KCNK13: variants seen among roughly 807,000 people sequenced by gnomAD.
The protein encoded by KCNK13 is potassium two pore domain channel subfamily K member 13.
Under a neutral mutation model 23.4 loss-of-function variants are expected in KCNK13, and 12 were observed. That is an observed-to-expected ratio of 0.51 (90% CI 0.33 to 0.83). The LOEUF (loss-of-function observed/expected upper bound fraction) is 0.83. KCNK13 is among the 40% of genes least tolerant of loss of function. The pLI, the probability that KCNK13 is intolerant of heterozygous loss-of-function variation, is 0.02. For synonymous variants in KCNK13, 231 were observed against 229.5 expected (o/e 1.01, Z -0.06); for missense variants, 463 against 556.3 (o/e 0.83, Z 1.69).
intron 1 of KCNK13, among the ~76,000 whole-genome samples, chr14:90,088,034 G>T (rs567585178): frequency 1.3e-5 from 2 of 151,828 alleles, no homozygotes; most frequent in Non-Finnish European, 2.9e-5. Context: ...ACAGAGTCTC[G>T]CTCTATCACC....
chr14:90,091,685 C>T (rs1422575772), intron 1 of KCNK13, among the ~76,000 whole-genome samples: 1 of 151,624 alleles, frequency 6.6e-6, no homozygotes. Context: ...GGGTAAAAGA[C>T]ATGCCAATAC....
intron 1 of KCNK13, among the ~76,000 whole-genome samples, chr14:90,095,809 G>A (rs1377662070): frequency 6.6e-6 from 1 of 152,092 alleles, no homozygotes; most frequent in Non-Finnish European, 1.5e-5. Context: ...GATCTCACAG[G>A]TCGAGGGCTC....
intron 1 of KCNK13, among the ~76,000 whole-genome samples, chr14:90,121,585 T>C (rs1158637720): frequency 3.3e-5 from 5 of 152,196 alleles, no homozygotes; most frequent in Non-Finnish European, 5.9e-5. Context: ...AAATGTAGTA[T>C]ATGCTCATTA....
At chr14:90,150,144 T>C (rs573703694) in intron 1 of KCNK13, among the ~76,000 whole-genome samples, 1 of 152,272 alleles carries the variant, frequency 6.6e-6, no homozygotes, top group African/African-American at 2.4e-5. Context: ...TGAAGTACGC[T>C]GTAGAAATTT....
At chr14:90,181,497 C>T (rs2140449598) in intron 1 of KCNK13, among the ~76,000 whole-genome samples, 1 of 152,298 alleles carries the variant, frequency 6.6e-6, no homozygotes, top group East Asian at 1.9e-4. Flanking sequence ...CTCGCAAAGA[C>T]ACCACCTCCT....
Position 90,184,810 on chromosome 14 carries a change from A to G in KCNK13, c.1034A>G (p.Glu345Gly), listed in dbSNP as rs758271957. The change falls in exon 2 of 2, where the codon GAG becomes GGG. Residue 345 changes from glutamate (E) to glycine (G), a missense_variant. Physicochemically the swap from Glu to Gly is moderately conservative, Grantham distance 98. Transcript: ENST00000282146. This position sits in a 1 kb window ranked among gnomAD's most constrained non-coding sequence, Gnocchi z 5.6. The stretch of plus-strand genomic sequence containing the variant: ...ACGGACGGGCGCCGGCTCTCAGGGG[A>G]GATGATCTCCATGAAGGACTTGCTG... Reference protein sequence around the residue: ...SDTDGRRLSGEMISMKDLLAA... With the variant: ...SDTDGRRLSGGMISMKDLLAA... The G allele has an allele frequency of 2.5e-6, 4 of 1,612,772 alleles. No individual in the cohort carries two copies. The highest frequency in any genetic ancestry group is 3.4e-6 in the Non-Finnish European group (4 of 1,179,152).
chr14:90,158,004 A>T (rs1890214207), intron 1 of KCNK13, among the ~76,000 whole-genome samples: 1 of 152,094 alleles, frequency 6.6e-6, no homozygotes, highest in Admixed American at 6.6e-5. Context: ...CCTGGCTAGC[A>T]TTTATTTTTT....
At position 90,062,458 on chromosome 14, in the gene KCNK13, G is replaced by A. The variant is rs1455336636; in HGVS notation, c.253G>A (p.Gly85Ser). ...LRHYEEATRAGIRVDNVRPRW... is the reference protein window; with the variant it reads ...LRHYEEATRASIRVDNVRPRW... ...CCACTACGAGGAGGCCACTCGGGCCGGCATCCGCGTGGACAACGTCCGCCC... is the reference window on the plus strand; with the variant it reads ...CCACTACGAGGAGGCCACTCGGGCCAGCATCCGCGTGGACAACGTCCGCCC... Residue 85 changes from glycine (G) to serine (S), a missense_variant, in exon 1 of 2, where the codon GGC (glycine) becomes AGC (serine). Transcript: ENST00000282146. The surrounding 1 kb of genome is among the most constrained non-coding windows in gnomAD (Gnocchi z 4.5). The A allele has an allele frequency of 5.2e-6, 8 of 1,546,552 alleles. No individual in the cohort carries two copies. The highest frequency in any genetic ancestry group is 7.0e-6 in the Non-Finnish European group (8 of 1,146,002).
chr14:90,068,854 C>T (rs988402264), intron 1 of KCNK13, among the ~76,000 whole-genome samples: 1 of 152,006 alleles, frequency 6.6e-6, no homozygotes, highest in Non-Finnish European at 1.5e-5. Context: ...TTATGACCTC[C>T]TCGCCAACTG....
chr14:90,101,826 C>T (rs369115888), intron 1 of KCNK13, among the ~76,000 whole-genome samples: 34 of 121,440 alleles, frequency 2.8e-4, no homozygotes, highest in Non-Finnish European at 5.1e-4. Context: ...CACAAGTCAC[C>T]GCTAAAGAAC....
At chr14:90,146,162 A>G (rs989324509) in intron 1 of KCNK13, among the ~76,000 whole-genome samples, 1 of 152,156 alleles carries the variant, frequency 6.6e-6, no homozygotes, top group African/African-American at 2.4e-5. Flanking sequence ...GTGCATAAAC[A>G]TTTAGAATTT....
At position 90,132,556 on chromosome 14, in the gene KCNK13, AAAAG is replaced by A. The variant is rs941481507; in HGVS notation, c.335-51542_335-51539del. 4.6e-5 allele frequency among the ~76,000 whole-genome samples: 7 copies of A among 151,830 alleles called. No individual in the cohort carries two copies. The South Asian group carries it at 8.3e-4, about 18-fold the overall frequency. ...GAGACTCTGTCTCAAAAAAAAAAAAAAAAGAAAGAAAGAAAGTAGAATGGAGTTT... is the reference window on the plus strand; with the variant it reads ...GAGACTCTGTCTCAAAAAAAAAAAAAAAAGAAAGAAAGTAGAATGGAGTTT... On this transcript the variant is annotated intron_variant, in intron 1 of 1. Coordinates refer to ENST00000282146, the MANE Select transcript of KCNK13 (RefSeq NM_022054.4).
chr14:90,111,563 G>C (rs1010188648), intron 1 of KCNK13, among the ~76,000 whole-genome samples: 1 of 152,264 alleles, frequency 6.6e-6, no homozygotes, highest in South Asian at 2.1e-4. Flanking sequence ...ATGGAAGACA[G>C]TGAAATGTTC....
At chr14:90,073,978 A>AT (rs1378341466) in intron 1 of KCNK13, among the ~76,000 whole-genome samples, 4 of 145,884 alleles carry the variant, frequency 2.7e-5, no homozygotes, top group South Asian at 4.4e-4. Context: ...CCCGACCAAG[A>AT]TTTTTTTGTT....
At chr14:90,183,854 G>C (rs1235497166) in intron 1 of KCNK13, among the ~76,000 whole-genome samples, 2 of 152,146 alleles carry the variant, frequency 1.3e-5, no homozygotes, top group Non-Finnish European at 2.9e-5. Flanking sequence ...TTTGCTGGCT[G>C]TGTCCACCAT....
In KCNK13 at chr14:90,087,140, A is replaced by G. The variant is rs1237303686; in HGVS notation, c.334+24601A>G. On this transcript the variant is annotated intron_variant, in intron 1 of 1. Transcript: ENST00000282146. The stretch of plus-strand genomic sequence containing the variant: ...TACATATATATATACATATATATAT[A>G]TATATATATATATATTTTTTTTTTT... 3.9e-3 allele frequency among the ~76,000 whole-genome samples: 437 copies of G among 112,300 alleles called. 6 individuals carry two copies. Among genetic ancestry groups the G allele is most frequent in the African/African-American group, 0.015 (403 of 26,958 alleles). 73.7% of individuals were successfully genotyped at this position (112,300 alleles called of 152,430 possible).
intron 1 of KCNK13, among the ~76,000 whole-genome samples, chr14:90,180,086 G>A (rs930430179): frequency 6.6e-6 from 1 of 152,138 alleles, no homozygotes; most frequent in African/African-American, 2.4e-5. Context: ...GCCTAGTCAG[G>A]TGGAAAAAAG....
intron 1 of KCNK13, among the ~76,000 whole-genome samples, chr14:90,065,848 T>C (rs976450398): frequency 1.3e-5 from 2 of 152,214 alleles, no homozygotes; most frequent in Admixed American, 1.3e-4. Flanking sequence ...GGGAATCCCA[T>C]GGAAGGCAGA....
intron 1 of KCNK13, among the ~76,000 whole-genome samples, chr14:90,146,921 T>C (rs74082646): frequency 0.065 from 9,854 of 152,216 alleles, 410 homozygotes; most frequent in South Asian, 0.21. Flanking sequence ...GGCTTATTAG[T>C]TAAAATTCTT....
Sources: allele counts gnomAD v4.1 joint callset (sites outside exome capture counted in the v4.1 genomes callset), GRCh38; gene constraint gnomAD v4.1.1; non-coding constraint Gnocchi (gnomAD v3.1); transcripts MANE v1.5; gene names NCBI Gene and HGNC (gene_info 2026-07-23, HGNC 2026-07-21).